Variants in PTPRK observed in about 807,000 individuals in gnomAD.
The protein encoded by PTPRK is receptor-type tyrosine-protein phosphatase kappa.
In PTPRK, 75 loss-of-function variants were observed where a neutral mutation model predicts 178.0. That is an observed-to-expected ratio of 0.42 (90% CI 0.35 to 0.51). The LOEUF is 0.51. Among genes scored for constraint, PTPRK ranks in the 20% least tolerant of loss-of-function variants. The probability of loss-of-function intolerance (pLI) is 0.02; values close to 1 mark genes in which losing one functional copy is unlikely to be tolerated. For synonymous variants in PTPRK, 637 were observed against 620.6 expected, an observed-to-expected ratio of 1.03 and a Z score of -0.39; for missense variants, 1,441 against 1,797.8, an observed-to-expected ratio of 0.80 and a Z score of 3.59.
chr6:128,194,062 ATATATTATTAT>A (rs1804390330), intron 6 of PTPRK, among the ~76,000 whole-genome samples: 1 of 131,048 alleles, frequency 7.6e-6, no homozygotes, highest in African/African-American at 3.0e-5. Flanking sequence ...ATATTTATAT[ATATATTATTAT>A]TATTATTATT....
chr6:128,485,993 C>T lies in PTPRK; in HGVS notation c.100+34266G>A, dbSNP rs142629429. Among the ~76,000 whole-genome samples, 1,233 of 152,174 alleles carry T rather than the reference C, an allele frequency of 8.1e-3. 14 individuals carry two copies. The highest frequency in any genetic ancestry group is 0.025 in the South Asian group (119 of 4,816). On this transcript the variant is annotated intron_variant, in intron 1 of 29. Coordinates refer to ENST00000368226, the MANE Select transcript of PTPRK (RefSeq NM_002844.4). ...TCAAGAAGCAATTGTTTAATTAATG[C>T]CACTTAAGTAGTGACTGGCAGAGTT...
intron 1 of PTPRK, among the ~76,000 whole-genome samples, chr6:128,445,139 G>T (rs971412988): frequency 7.0e-6 from 1 of 142,444 alleles, no homozygotes; most frequent in Non-Finnish European, 1.5e-5. Context: ...AGGAAAGCTT[G>T]AGCCCAGGAG....
chr6:128,508,211 T>C (rs1585015797), intron 1 of PTPRK, among the ~76,000 whole-genome samples: 1 of 152,130 alleles, frequency 6.6e-6, no homozygotes. Flanking sequence ...CATGCCTTAA[T>C]AGTCATTAAC....
intron 7 of PTPRK, among the ~76,000 whole-genome samples, chr6:128,158,927 C>T (rs1240458865): frequency 1.3e-5 from 2 of 151,826 alleles, no homozygotes; most frequent in African/African-American, 4.8e-5. Context: ...CATGGGCTCC[C>T]TCACAGGTAA....
In PTPRK at chr6:128,499,130, A is replaced by T. The variant is rs547912691; in HGVS notation, c.100+21129T>A. On this transcript the variant is annotated intron_variant, in intron 1 of 29. Transcript: ENST00000368226. ...ACATTTGCCTTCCATTGCTTTTGTC[A>T]AGAGTAATACCAAAATAGGAAAAGT... Among the ~76,000 whole-genome samples the T allele has an allele frequency of 2.6e-5, 4 of 152,302 alleles. No individual in the cohort carries two copies. The East Asian group carries it at 7.7e-4, about 29-fold the overall frequency.
intron 7 of PTPRK, among the ~76,000 whole-genome samples, chr6:128,148,000 C>A (rs941806194): frequency 1.3e-5 from 2 of 151,950 alleles, no homozygotes; most frequent in African/African-American, 2.4e-5. Flanking sequence ...AAAAAAACCA[C>A]AGAAGAATTT....
chr6:128,066,688 A>G (rs1781818953), intron 12 of PTPRK, among the ~76,000 whole-genome samples: 1 of 148,742 alleles, frequency 6.7e-6, no homozygotes, highest in African/African-American at 2.6e-5. Context: ...TCTTCCCTCT[A>G]TCTCTGTCTG....
intron 6 of PTPRK, among the ~76,000 whole-genome samples, chr6:128,202,664 G>T (rs914442634): frequency 6.6e-6 from 1 of 152,146 alleles, no homozygotes; most frequent in Non-Finnish European, 1.5e-5. Context: ...CAGGGAAGGG[G>T]TGGTTGCCAT....
intron 22 of PTPRK, 132 bp from the exon 23 acceptor site, chr6:127,983,509 C>A (rs1470798959): frequency 2.2e-6 from 2 of 891,828 alleles, no homozygotes; most frequent in East Asian, 2.6e-5. Context: ...GCACTTGTCC[C>A]TGCTGTGTAA....
intron 7 of PTPRK, among the ~76,000 whole-genome samples, chr6:128,096,016 T>C (rs1486529742): frequency 6.6e-6 from 1 of 152,212 alleles, no homozygotes; most frequent in Non-Finnish European, 1.5e-5. Context: ...TGCCTTTTAT[T>C]GTGCACCTAA....
chr6:128,238,808 T>C (rs1005429589), intron 5 of PTPRK, among the ~76,000 whole-genome samples: 17 of 152,102 alleles, frequency 1.1e-4, no homozygotes, highest in Admixed American at 2.0e-4. Flanking sequence ...CATCTCCTTT[T>C]CATATTTGGA....
intron 7 of PTPRK, among the ~76,000 whole-genome samples, chr6:128,167,077 C>G (rs1351879398): frequency 6.6e-6 from 1 of 151,588 alleles, no homozygotes; most frequent in Admixed American, 6.6e-5. Context: ...CCCTCAAAAT[C>G]AGTCCAATAT....
chr6:128,206,939 T>C (rs1807086352), intron 6 of PTPRK, among the ~76,000 whole-genome samples: 2 of 152,178 alleles, frequency 1.3e-5, no homozygotes, highest in South Asian at 2.1e-4. Flanking sequence ...ACAACTACTA[T>C]GCATAAATAT....
At chr6:128,146,739 T>A (rs901643923) in intron 7 of PTPRK, among the ~76,000 whole-genome samples, 2 of 152,072 alleles carry the variant, frequency 1.3e-5, no homozygotes, top group Admixed American at 1.3e-4. Flanking sequence ...ACGATACTGT[T>A]TTAAAACTGT....
chr6:128,479,031 G>C (rs549590017), intron 1 of PTPRK, among the ~76,000 whole-genome samples: 65 of 152,072 alleles, frequency 4.3e-4, no homozygotes, highest in African/African-American at 1.5e-3. Flanking sequence ...AGTGGGCAGG[G>C]GGATAGATTT....
intron 29 of PTPRK, among the ~76,000 whole-genome samples, chr6:127,971,285 A>T (rs1773870175): frequency 6.6e-6 from 1 of 152,184 alleles, no homozygotes; most frequent in South Asian, 2.1e-4. Context: ...AAAAATTCCC[A>T]ACTCAGTTCA....
In PTPRK at chr6:128,316,794, T is replaced by C. The variant is rs989865753; in HGVS notation, c.495+5245A>G. 3.3e-5 allele frequency among the ~76,000 whole-genome samples: 5 copies of C among 151,040 alleles called. No individual in the cohort carries two copies. The East Asian group carries it at 9.8e-4, about 29-fold the overall frequency. On this transcript the variant is annotated intron_variant, in intron 3 of 29. Transcript: ENST00000368226. ...GTGCAGTGGTGCGATCTCCACTCAC[T>C]GCAACCTCCGCCTCCTGGTTCAAGC...
At chr6:128,266,084 T>C (rs1197514725) in intron 3 of PTPRK, among the ~76,000 whole-genome samples, 1 of 152,146 alleles carries the variant, frequency 6.6e-6, no homozygotes, top group Non-Finnish European at 1.5e-5. Flanking sequence ...AATCAATTTC[T>C]GTTGTTTATA....
intron 2 of PTPRK, among the ~76,000 whole-genome samples, chr6:128,348,273 C>T (rs1011355549): frequency 2.0e-5 from 3 of 151,930 alleles, no homozygotes; most frequent in Admixed American, 6.6e-5. Flanking sequence ...TAAGCAAAGA[C>T]CCAAAATGTA....
Sources: allele counts gnomAD v4.1 joint callset (sites outside exome capture counted in the v4.1 genomes callset), GRCh38; gene constraint gnomAD v4.1.1; transcripts MANE v1.5; gene names NCBI Gene and HGNC (gene_info 2026-07-23, HGNC 2026-07-21).